Variants in ASTN2 observed in about 807,000 individuals in gnomAD.
ASTN2 encodes the protein astrotactin-2.
Under a neutral mutation model 139.8 loss-of-function variants are expected in ASTN2, and 54 were observed. The observed-to-expected ratio is 0.39, with a 90% confidence interval of 0.31 to 0.48. The LOEUF is 0.48. ASTN2 is among the 20% of genes least tolerant of loss of function. The pLI is 0.95. For synonymous variants in ASTN2, 756 were observed against 719.5 expected (o/e 1.05, Z -0.81); for missense variants, 1,565 against 1,725.1 (o/e 0.91, Z 1.64).
chr9:117,223,601 T>G (rs1832602001), intron 2 of ASTN2, among the ~76,000 whole-genome samples: 1 of 152,156 alleles, frequency 6.6e-6, no homozygotes, highest in Non-Finnish European at 1.5e-5. Flanking sequence ...TTTTCTTGGG[T>G]AATCTTCCAG....
At chr9:116,829,412 T>C (rs977933530) in intron 11 of ASTN2, among the ~76,000 whole-genome samples, 2 of 151,826 alleles carry the variant, frequency 1.3e-5, no homozygotes, top group Non-Finnish European at 2.9e-5. Context: ...GGTAAAATGA[T>C]ACTCCAGTTG....
At chr9:116,604,439 C>T (rs1158557932) in intron 19 of ASTN2, among the ~76,000 whole-genome samples, 1 of 152,054 alleles carries the variant, frequency 6.6e-6, no homozygotes, top group Admixed American at 6.5e-5. Flanking sequence ...CCCTGTAAAA[C>T]ATATTCCCCT....
At chr9:116,578,301 T>C (rs1469091808) in intron 19 of ASTN2, among the ~76,000 whole-genome samples, 2 of 152,262 alleles carry the variant, frequency 1.3e-5, no homozygotes, top group South Asian at 2.1e-4. Flanking sequence ...GTCCCCATCA[T>C]TGTTAAAACT....
chr9:117,250,111 T>C (rs1436301331), intron 2 of ASTN2, among the ~76,000 whole-genome samples: 1 of 152,226 alleles, frequency 6.6e-6, no homozygotes, highest in East Asian at 1.9e-4. Context: ...AGGCTTCTTA[T>C]GAATTTCATT....
intron 1 of ASTN2, among the ~76,000 whole-genome samples, chr9:117,294,416 G>A (rs1362912200): frequency 1.3e-5 from 2 of 152,248 alleles, no homozygotes; most frequent in African/African-American, 4.8e-5. Context: ...TTGAAGAGGA[G>A]AGAGGAGGGG....
chr9:117,167,970 T>C (rs533982979), intron 3 of ASTN2, among the ~76,000 whole-genome samples: 15 of 152,226 alleles, frequency 9.9e-5, no homozygotes, highest in African/African-American at 3.6e-4. Flanking sequence ...AAGGTGGCTT[T>C]GAAGAGAAAG....
chr9:116,429,646 A>G (rs557580797), intron 22 of ASTN2, among the ~76,000 whole-genome samples: 2 of 152,316 alleles, frequency 1.3e-5, no homozygotes, highest in Admixed American at 6.5e-5. Flanking sequence ...CATTGTCATC[A>G]TCATTATTAC....
At chr9:116,431,971 C>A (rs983883318) in intron 22 of ASTN2, among the ~76,000 whole-genome samples, 1 of 151,198 alleles carries the variant, frequency 6.6e-6, no homozygotes, top group Non-Finnish European at 1.5e-5. Flanking sequence ...TATGTGGCAG[C>A]GGGTTCCTCA....
At chr9:116,486,151 C>G (rs1178853089) in intron 20 of ASTN2, among the ~76,000 whole-genome samples, 1 of 152,164 alleles carries the variant, frequency 6.6e-6, no homozygotes, top group Non-Finnish European at 1.5e-5. Context: ...ATGTCAAAGC[C>G]AGATTTGAAT....
At chr9:116,502,501 T>G (rs1849900213) in intron 19 of ASTN2, among the ~76,000 whole-genome samples, 1 of 142,160 alleles carries the variant, frequency 7.0e-6, no homozygotes, top group South Asian at 2.3e-4. Context: ...GAACCAGAAA[T>G]AAAAATGCAG....
rs140458736 is a variant in ASTN2, at chr9:117,141,393, G to C, written c.1101C>G (p.Ile367Met). 1 of 1,367,518 alleles carries C rather than the reference G, an allele frequency of 7.3e-7. No individual in the cohort carries two copies. Among genetic ancestry groups the C allele is most frequent in the Non-Finnish European group, 9.8e-7 (1 of 1,021,832 alleles). 84.7% of individuals were successfully genotyped at this position (1,367,518 alleles called of 1,614,324 possible). Residue 367 changes from isoleucine to methionine, a missense_variant, in exon 4 of 23, where the codon ATC (isoleucine) becomes ATG (methionine). Ile to Met is a conservative substitution (Grantham distance 10). This residue lies in a region of ASTN2 where 596 missense variants were observed against 576.8 expected (regional missense o/e 1.03). Coordinates refer to ENST00000313400, the MANE Select transcript of ASTN2 (RefSeq NM_001365068.1). ...TGCGCAGGGGTGGTTGCAGCTGACC[G>C]ATCTCGATGGGCGTGTTAGCGCGGA... is the stretch of plus-strand genomic sequence containing the variant. ...ESFRANTPIE[I>M]GQLQPPLRST... is the part of the protein sequence containing the mutation.
chr9:116,744,851 C>G (rs1050744694), intron 13 of ASTN2, among the ~76,000 whole-genome samples: 4 of 152,220 alleles, frequency 2.6e-5, no homozygotes, highest in Non-Finnish European at 5.9e-5. Context: ...CCTCTGCTAG[C>G]TGTCAGTCCA....
At chr9:116,453,669 GTTATCTTGC>G (rs1217296884) in intron 20 of ASTN2, among the ~76,000 whole-genome samples, 5 of 140,688 alleles carry the variant, frequency 3.6e-5, no homozygotes, top group African/African-American at 7.7e-5. Flanking sequence ...TACAATAAAT[GTTATCTTGC>G]TTATCTTGCT....
At chr9:116,728,925 G>T in intron 15 of ASTN2, 67 bp downstream of exon 15, 5 of 1,337,248 alleles carry the variant, frequency 3.7e-6, no homozygotes, top group Non-Finnish European at 5.2e-6. Flanking sequence ...CCTGGCACAT[G>T]CTAGGTCCTT....
At chr9:116,795,370 C>T (rs1291459207) in intron 13 of ASTN2, among the ~76,000 whole-genome samples, 1 of 152,224 alleles carries the variant, frequency 6.6e-6, no homozygotes, top group African/African-American at 2.4e-5. Context: ...TTATCAAATT[C>T]CACATAGTAA....
At chr9:116,575,848 G>C (rs1390821668) in intron 19 of ASTN2, among the ~76,000 whole-genome samples, 1 of 152,130 alleles carries the variant, frequency 6.6e-6, no homozygotes, top group African/African-American at 2.4e-5. Flanking sequence ...TAAGGGAAAT[G>C]AGAATACATG....
At chr9:116,634,911 A>G (rs1198016322) in intron 17 of ASTN2, among the ~76,000 whole-genome samples, 1 of 152,126 alleles carries the variant, frequency 6.6e-6, no homozygotes, top group Non-Finnish European at 1.5e-5. Context: ...TTTAATAAGA[A>G]GCAAGAGAAG....
intron 1 of ASTN2, among the ~76,000 whole-genome samples, chr9:117,406,857 AACACACACACACAC>A (rs59125408): frequency 9.2e-4 from 133 of 144,340 alleles, no homozygotes; most frequent in African/African-American, 2.7e-3. Context: ...ATTGTCCCCT[AACACACACACACAC>A]ACACACACAC....
intron 3 of ASTN2, among the ~76,000 whole-genome samples, chr9:117,187,482 G>C (rs948002436): frequency 6.6e-6 from 1 of 152,212 alleles, no homozygotes; most frequent in Non-Finnish European, 1.5e-5. Context: ...TGGGGCCTTT[G>C]AGAAGTGATT....
Sources: gnomAD v4.1 joint callset for allele counts (sites outside exome capture counted in the v4.1 genomes callset) on GRCh38, gnomAD v4.1.1 for gene constraint, gnomAD v4.1.1 regional missense constraint, MANE v1.5 for transcripts, NCBI Gene and HGNC (gene_info 2026-07-23, HGNC 2026-07-21) for gene names.